The following WFDC5 variants were observed in gnomAD, a reference collection of about 807,000 sequenced individuals.
WFDC5 encodes WAP four-disulfide core domain protein 5.
A neutral mutation model predicts 15.7 loss-of-function variants in WFDC5; 15 were observed. That is an observed-to-expected ratio of 0.96 (90% CI 0.64 to 1.47). WFDC5 has a LOEUF of 1.47. WFDC5 is among the 40% of genes most tolerant of loss of function. The pLI, the probability that WFDC5 is intolerant of heterozygous loss-of-function variation, is 0.00. For missense variants in WFDC5, 280 were observed against 258.0 expected (o/e 1.09, Z -0.59); for synonymous variants, 109 against 107.7 (o/e 1.01, Z -0.07).
chr20:45,115,222 C>G, upstream of WFDC5: 1 of 731,718 alleles, frequency 1.4e-6, no homozygotes, highest in Non-Finnish European at 2.2e-6. Context: ...GCCCCACCCC[C>G]TGAGGGCCCG....
intron 1 of WFDC5, among the ~76,000 whole-genome samples, chr20:45,112,170 G>A (rs1981638187): frequency 6.6e-6 from 1 of 152,172 alleles, no homozygotes; most frequent in South Asian, 2.1e-4. Context: ...TTGGGGTGGT[G>A]GGGGTGATGG....
At chr20:45,115,986 C>T (rs1208591619), upstream of WFDC5, among the ~76,000 whole-genome samples, 2 of 152,154 alleles carry the variant, frequency 1.3e-5, no homozygotes, top group East Asian at 1.9e-4. Context: ...ATTTGAAAGA[C>T]GAGGAAACTG....
intron 3 of WFDC5, 39 bp from the exon 4 acceptor site, chr20:45,110,052 A>G (rs770236258): frequency 1.3e-6 from 2 of 1,599,640 alleles, no homozygotes; most frequent in Non-Finnish European, 1.7e-6. Flanking sequence ...CCTTCCCATA[A>G]TAGGGCTCTG....
At chr20:45,113,370 G>T (rs2145527497) in intron 1 of WFDC5, among the ~76,000 whole-genome samples, 1 of 152,352 alleles carries the variant, frequency 6.6e-6, no homozygotes, top group East Asian at 1.9e-4. Context: ...GGGGGACAAG[G>T]TGTGGTGAAC....
At chr20:45,111,071 C>T (rs1205507436) in intron 1 of WFDC5, among the ~76,000 whole-genome samples, 1 of 152,230 alleles carries the variant, frequency 6.6e-6, no homozygotes, top group African/African-American at 2.4e-5. Context: ...CTGCCCATCT[C>T]TCTAGCCCCA....
chr20:45,114,739 C>G (rs1385475944), intron 1 of WFDC5, among the ~76,000 whole-genome samples: 1 of 152,018 alleles, frequency 6.6e-6, no homozygotes. Context: ...CAGGCACAGA[C>G]AAGCACCGAG....
chr20:45,111,571 A>G (rs1249832999), intron 1 of WFDC5, among the ~76,000 whole-genome samples: 6 of 152,172 alleles, frequency 3.9e-5, no homozygotes, highest in Admixed American at 3.9e-4. Context: ...CGTTGCGTTC[A>G]TCACTGTTGC....
chr20:45,113,184 G>C (rs527854595), intron 1 of WFDC5, among the ~76,000 whole-genome samples: 15 of 152,226 alleles, frequency 9.9e-5, no homozygotes, highest in Non-Finnish European at 1.6e-4. Flanking sequence ...CTTTGTATCA[G>C]AGACACCCAG....
At chr20:45,115,100 C>T (rs767701052) in exon 1 of WFDC5, 6 of 1,608,432 alleles carry the variant, frequency 3.7e-6, no homozygotes, top group Non-Finnish European at 5.1e-6. Flanking sequence ...GCTGCCGGCT[C>T]AGGGCCCAGG....
chr20:45,113,798 G>A (rs1257157541), intron 1 of WFDC5, among the ~76,000 whole-genome samples: 1 of 152,006 alleles, frequency 6.6e-6, no homozygotes, highest in African/African-American at 2.4e-5. Context: ...AGTTGGTAAA[G>A]TGAATCTTTC....
At chr20:45,110,147 G>T (rs1981570222) in intron 3 of WFDC5, 134 bp from the exon 4 acceptor site, 2 of 1,360,670 alleles carry the variant, frequency 1.5e-6, no homozygotes, top group African/African-American at 1.5e-5. Flanking sequence ...CCCTTCAAAA[G>T]GGCAAACAGA....
intron 3 of WFDC5, 51 bp from the exon 4 acceptor site, chr20:45,110,064 T>C (rs1981568472): frequency 6.3e-7 from 1 of 1,586,950 alleles, no homozygotes; most frequent in Admixed American, 1.7e-5. Context: ...AGGGCTCTGG[T>C]TTCTGGCCTT....
chr20:45,110,881 C>T (rs567509516), intron 1 of WFDC5, 106 bp from the exon 2 acceptor site: 2 of 1,471,978 alleles, frequency 1.4e-6, no homozygotes, highest in Non-Finnish European at 1.8e-6. Flanking sequence ...TGCTTTTTGC[C>T]TGTCTTTTGG....
chr20:45,114,462 T>C (rs1981703689), intron 1 of WFDC5, among the ~76,000 whole-genome samples: 2 of 151,868 alleles, frequency 1.3e-5, no homozygotes, highest in African/African-American at 4.8e-5. Flanking sequence ...CACCCTCTCC[T>C]CAATTCCCAA....
intron 3 of WFDC5, 45 bp from the exon 4 acceptor site, chr20:45,110,058 C>T (rs1443612346): frequency 1.9e-6 from 3 of 1,592,464 alleles, no homozygotes; most frequent in Non-Finnish European, 2.6e-6. Flanking sequence ...CATAATAGGG[C>T]TCTGGTTTCT....
chr20:45,115,085 T>C (rs991983053), exon 1 of WFDC5: 1 of 1,612,136 alleles, frequency 6.2e-7, no homozygotes, highest in Admixed American at 1.7e-5. Flanking sequence ...GGTCCTCATA[T>C]TTCTGCTGCC....
chr20:45,113,919 GGTTTTTGCTGT>G (rs1420791336), intron 1 of WFDC5, among the ~76,000 whole-genome samples: 2 of 152,168 alleles, frequency 1.3e-5, no homozygotes, highest in African/African-American at 4.8e-5. Context: ...TACAGTCCTG[GGTTTTTGCTGT>G]AATAGTTGGT....
At chr20:45,115,093 G>A (rs770568835) in exon 1 of WFDC5, 3 of 1,611,190 alleles carry the variant, frequency 1.9e-6, no homozygotes, top group Non-Finnish European at 2.5e-6. Context: ...TATTTCTGCT[G>A]CCGGCTCAGG....
At chr20:45,115,076 G>T (rs769920753) in exon 1 of WFDC5, 1 of 1,612,896 alleles carries the variant, frequency 6.2e-7, no homozygotes, top group Admixed American at 1.7e-5. Context: ...AAGGCTCTGG[G>T]TCCTCATATT....
Sources: allele counts gnomAD v4.1 joint callset (sites outside exome capture counted in the v4.1 genomes callset), GRCh38; gene constraint gnomAD v4.1.1; transcripts MANE v1.5; gene names NCBI Gene and HGNC (gene_info 2026-07-23, HGNC 2026-07-21).